The following DCC variants were observed in gnomAD, a reference collection of about 807,000 sequenced individuals.
The protein encoded by DCC is netrin receptor DCC.
DCC carries 58 observed loss-of-function variants against 172.5 expected under a neutral mutation model. The ratio of observed to expected loss-of-function variants is 0.34; its 90% CI spans 0.27 to 0.42. The LOEUF is 0.42. DCC is among the 10% of genes least tolerant of loss of function. The pLI is 1.00. For missense variants in DCC, 1,740 were observed against 1,791.0 expected (o/e 0.97, Z 0.51); for synonymous variants, 709 against 644.5 (o/e 1.10, Z -1.52).
chr18:53,198,432 GCTCT>G (rs59665065), intron 9 of DCC, among the ~76,000 whole-genome samples: 38 of 149,426 alleles, frequency 2.5e-4, no homozygotes, highest in South Asian at 4.3e-4. Context: ...AAACTGAGCA[GCTCT>G]CTCTCTCTCT....
chr18:52,446,602 T>C (rs1988131478), intron 1 of DCC, among the ~76,000 whole-genome samples: 1 of 152,220 alleles, frequency 6.6e-6, no homozygotes. Flanking sequence ...GAGTGTGACA[T>C]TACAGTCTAC....
At chr18:52,909,971 A>T (rs2039946653) in intron 3 of DCC, among the ~76,000 whole-genome samples, 1 of 152,184 alleles carries the variant, frequency 6.6e-6, no homozygotes, top group African/African-American at 2.4e-5. Context: ...TAAAGAAAAT[A>T]GAGATCAAAA....
chr18:52,719,292 A>G (rs572043630), intron 1 of DCC, among the ~76,000 whole-genome samples: 1 of 152,198 alleles, frequency 6.6e-6, no homozygotes, highest in African/African-American at 2.4e-5. Context: ...AATTTGGGGG[A>G]TGACAGTGTA....
chr18:53,021,218 C>A (rs572481380), intron 5 of DCC, among the ~76,000 whole-genome samples: 13 of 152,268 alleles, frequency 8.5e-5, no homozygotes, highest in African/African-American at 3.1e-4. Context: ...ATACCTGGCC[C>A]CGTGTTCATT....
intron 18 of DCC, among the ~76,000 whole-genome samples, 153 bp downstream of exon 18, chr18:53,397,599 G>A (rs1405602685): frequency 6.6e-6 from 1 of 152,076 alleles, no homozygotes; most frequent in Non-Finnish European, 1.5e-5. Flanking sequence ...TTATATCTAA[G>A]AGTATTCTCC....
intron 3 of DCC, among the ~76,000 whole-genome samples, chr18:52,921,876 A>T (rs1265548234): frequency 1.3e-5 from 2 of 151,828 alleles, no homozygotes; most frequent in African/African-American, 4.8e-5. Context: ...GGTATTGTAT[A>T]GTGTAAGTTG....
At chr18:53,094,836 C>T (rs934863190) in intron 7 of DCC, among the ~76,000 whole-genome samples, 1 of 152,002 alleles carries the variant, frequency 6.6e-6, no homozygotes, top group African/African-American at 2.4e-5. Flanking sequence ...TTTTTCTAAT[C>T]TCATTTAATA....
intron 1 of DCC, among the ~76,000 whole-genome samples, chr18:52,544,546 C>A (rs1303206854): frequency 2.6e-5 from 4 of 151,570 alleles, no homozygotes; most frequent in African/African-American, 9.7e-5. Flanking sequence ...CATTTTATAT[C>A]AAGAACAGTT....
At chr18:53,171,187 C>A (rs2144443783) in intron 8 of DCC, among the ~76,000 whole-genome samples, 1 of 152,200 alleles carries the variant, frequency 6.6e-6, no homozygotes. Context: ...GCCTGGCCTA[C>A]ATAGTGTTTA....
rs553829109 is a variant in DCC, at chr18:53,101,273, C to G, written c.1261+35107C>G. 2.0e-5 allele frequency among the ~76,000 whole-genome samples: 3 copies of G among 152,144 alleles called. No homozygotes were observed. The East Asian group carries it at 5.8e-4, about 30-fold the overall frequency. On this transcript the variant is annotated intron_variant, in intron 7 of 28. Coordinates refer to ENST00000442544, the MANE Select transcript of DCC (RefSeq NM_005215.4). ...TTGGGCACACAGACCTATATGTGCACTTGGCATTGTGCTTGTTCACAATGT... is the reference window on the plus strand; with the variant it reads ...TTGGGCACACAGACCTATATGTGCAGTTGGCATTGTGCTTGTTCACAATGT...
rs368853784 is a variant in DCC, at chr18:52,922,985, A to G, written c.698-722A>G. On this transcript the variant is annotated intron_variant, in intron 3 of 28. Coordinates refer to ENST00000442544, the MANE Select transcript of DCC (RefSeq NM_005215.4). ...AAGACTGTTTCAGTTATCTGCTAGT[A>G]AAAGTGAATAGTGTTCCATATATAG... Among the ~76,000 whole-genome samples, 4 of 152,294 alleles carry G rather than the reference A, an allele frequency of 2.6e-5. No individual in the cohort carries two copies. In the South Asian group the frequency reaches 6.2e-4, roughly 24 times the overall value.
intron 1 of DCC, among the ~76,000 whole-genome samples, chr18:52,379,751 T>A (rs1985506898): frequency 1.3e-5 from 2 of 152,158 alleles, no homozygotes; most frequent in Non-Finnish European, 2.9e-5. Context: ...GATTGAACAG[T>A]CTGAAGCAGC....
intron 8 of DCC, among the ~76,000 whole-genome samples, chr18:53,168,571 G>A (rs940360718): frequency 5.4e-5 from 8 of 148,620 alleles, no homozygotes; most frequent in Admixed American, 1.3e-4. Context: ...GTCTGGGGGC[G>A]GGCGGGGGGG....
intron 11 of DCC, among the ~76,000 whole-genome samples, chr18:53,209,380 C>T (rs565547614): frequency 6.6e-6 from 1 of 152,182 alleles, no homozygotes; most frequent in South Asian, 2.1e-4. Context: ...TTAAAAAAGG[C>T]CACAAGCTAG....
At chr18:52,524,479 A>C (rs934160686) in intron 1 of DCC, among the ~76,000 whole-genome samples, 5 of 152,238 alleles carry the variant, frequency 3.3e-5, no homozygotes, top group African/African-American at 1.2e-4. Flanking sequence ...ATTTTATGCC[A>C]ACTTTTTGGA....
rs935157812 is a variant in DCC at position 53,156,921 on chromosome 18, A to G, written c.1262-435A>G. On this transcript the variant is annotated intron_variant, in intron 7 of 28. Transcript: ENST00000442544. ...TACTTAAAATGATTTGTCTTTTACCAAAGACATTTTCTATCATCAGTTAAA... is the reference window on the plus strand; with the variant it reads ...TACTTAAAATGATTTGTCTTTTACCGAAGACATTTTCTATCATCAGTTAAA... 2.6e-5 allele frequency among the ~76,000 whole-genome samples: 4 copies of G among 152,208 alleles called. 1 individual carries two copies. The highest frequency in any genetic ancestry group is 2.6e-4 in the Admixed American group (4 of 15,282).
chr18:52,699,161 T>G (rs1270066896), intron 1 of DCC, among the ~76,000 whole-genome samples: 2 of 152,078 alleles, frequency 1.3e-5, no homozygotes, highest in Non-Finnish European at 2.9e-5. Context: ...ATATATAGGA[T>G]CAGAAAGTAA....
intron 1 of DCC, among the ~76,000 whole-genome samples, chr18:52,496,179 T>C (rs1167896994): frequency 6.6e-6 from 1 of 152,084 alleles, no homozygotes; most frequent in Admixed American, 6.6e-5. Flanking sequence ...TCATTTCTCA[T>C]CCCCTGCCCT....
At position 52,994,674 on chromosome 18, in the gene DCC, C is replaced by T. The variant is rs373593875; in HGVS notation, c.986-68631C>T. On this transcript the variant is annotated intron_variant, in intron 5 of 28. Transcript: ENST00000442544. The stretch of plus-strand genomic sequence containing the variant: ...TGTTTTAATTAGCAACCTTTTTTGA[C>T]TATTCTATTTAATAACAAAGATACT... 2.0e-5 allele frequency among the ~76,000 whole-genome samples: 3 copies of T among 152,096 alleles called. No homozygotes were observed. The South Asian group carries it at 6.2e-4, about 31-fold the overall frequency.
Sources: gnomAD v4.1 joint callset for allele counts (sites outside exome capture counted in the v4.1 genomes callset) on GRCh38, gnomAD v4.1.1 for gene constraint, MANE v1.5 for transcripts, NCBI Gene and HGNC (gene_info 2026-07-23, HGNC 2026-07-21) for gene names.